CCDC91: variants seen among roughly 807,000 people sequenced by gnomAD.
CCDC91 encodes coiled-coil domain containing 91.
A neutral mutation model predicts 63.2 loss-of-function variants in CCDC91; 48 were observed. The observed-to-expected ratio is 0.76, with a 90% CI of 0.60 to 0.97. CCDC91 has a LOEUF of 0.97. CCDC91 is among the 50% of genes least tolerant of loss of function. The pLI, the probability that CCDC91 is intolerant of heterozygous loss-of-function variation, is 0.00. For missense variants in CCDC91, 500 were observed against 494.6 expected (o/e 1.01, Z -0.10); for synonymous variants, 167 against 165.8 (o/e 1.01, Z -0.06).
At chr12:28,485,909 A>G (rs1029598034) in intron 12 of CCDC91, among the ~76,000 whole-genome samples, 1 of 152,196 alleles carries the variant, frequency 6.6e-6, no homozygotes, top group Non-Finnish European at 1.5e-5. Flanking sequence ...GAACTTAAGT[A>G]TCAAATAAAT....
chr12:28,324,738 T>C (rs1940826081), intron 6 of CCDC91, among the ~76,000 whole-genome samples: 1 of 151,934 alleles, frequency 6.6e-6, no homozygotes, highest in Admixed American at 6.6e-5. Flanking sequence ...TTAGTTCATG[T>C]TCTGAAGTGT....
intron 8 of CCDC91, among the ~76,000 whole-genome samples, chr12:28,430,051 T>A (rs10843169): frequency 0.2 from 31,088 of 151,890 alleles, 4,169 homozygotes; most frequent in Non-Finnish European, 0.3. Flanking sequence ...CTTAGTACAG[T>A]AATTTAGGGA....
intron 6 of CCDC91, among the ~76,000 whole-genome samples, chr12:28,339,079 G>T (rs570991421): frequency 6.4e-4 from 97 of 152,228 alleles, no homozygotes; most frequent in African/African-American, 2.3e-3. Flanking sequence ...GACCTCAGGT[G>T]ATCCACCTGC....
At chr12:28,372,683 A>G (rs1009620530) in intron 7 of CCDC91, among the ~76,000 whole-genome samples, 2 of 151,926 alleles carry the variant, frequency 1.3e-5, no homozygotes, top group African/African-American at 2.4e-5. Context: ...TGATTTTGTA[A>G]CCTGAGACTT....
chr12:28,533,427 T>G (rs1257200047), intron 12 of CCDC91, among the ~76,000 whole-genome samples: 2 of 152,082 alleles, frequency 1.3e-5, no homozygotes, highest in Admixed American at 6.6e-5. Flanking sequence ...GGCTGTAAAA[T>G]ATGTACTATC....
At chr12:28,450,448 G>T (rs1415728937) in intron 10 of CCDC91, 30 bp downstream of exon 10, 2 of 1,466,790 alleles carry the variant, frequency 1.4e-6, no homozygotes, top group Non-Finnish European at 1.9e-6. Flanking sequence ...TGGGTTGCTT[G>T]TAAGTAAGTG....
chr12:28,317,592 GT>G (rs1230280166), intron 6 of CCDC91, among the ~76,000 whole-genome samples: 25 of 151,746 alleles, frequency 1.6e-4, no homozygotes, highest in Admixed American at 1.6e-3. Flanking sequence ...TTTTTTTATT[GT>G]TTATTTTCAC....
intron 8 of CCDC91, among the ~76,000 whole-genome samples, chr12:28,402,630 C>T (rs1946708661): frequency 6.8e-6 from 1 of 146,568 alleles, no homozygotes. Flanking sequence ...ATCCATATAC[C>T]TTTTATTTCC....
chr12:28,221,127 A>G (rs1943910382), intron 1 of CCDC91, among the ~76,000 whole-genome samples: 1 of 152,030 alleles, frequency 6.6e-6, no homozygotes, highest in Non-Finnish European at 1.5e-5. Context: ...TTTATTTTGA[A>G]TAGTTATACT....
intron 6 of CCDC91, among the ~76,000 whole-genome samples, chr12:28,317,287 A>G (rs181331652): frequency 6.6e-6 from 1 of 152,142 alleles, no homozygotes; most frequent in East Asian, 1.9e-4. Flanking sequence ...TAAAAGCTAT[A>G]CTATTGTTAA....
At chr12:28,429,339 C>T (rs536205649) in intron 8 of CCDC91, among the ~76,000 whole-genome samples, 2 of 152,022 alleles carry the variant, frequency 1.3e-5, no homozygotes, top group Non-Finnish European at 2.9e-5. Flanking sequence ...TTTTGATAAC[C>T]AGTAGTACTG....
At position 28,201,356 on chromosome 12, in the gene CCDC91, C is replaced by T. The variant is rs35536176; in HGVS notation, c.-15+10715C>T. ...GCTCCTCACCTCCCAGACGGGGTCG[C>T]GGCCAGGTAGAGGAGCTCCTCACAT... On this transcript the variant is annotated intron_variant, in intron 1 of 12. Coordinates refer to ENST00000536442, the MANE Select transcript of CCDC91 (RefSeq NM_018318.5). Among the ~76,000 whole-genome samples, 11 of 148,096 alleles carry T rather than the reference C, an allele frequency of 7.4e-5. No individual in the cohort carries two copies. The South Asian group carries it at 8.6e-4, about 12-fold the overall frequency.
intron 8 of CCDC91, among the ~76,000 whole-genome samples, chr12:28,441,078 AAAAAAAG>A (rs1300642520): frequency 1.4e-3 from 32 of 22,632 alleles, no homozygotes; most frequent in Admixed American, 8.2e-3. Flanking sequence ...AAAAAAAAAA[AAAAAAAG>A]AAAAGAAAAA....
intron 8 of CCDC91, among the ~76,000 whole-genome samples, chr12:28,392,659 T>C (rs867209615): frequency 7.2e-5 from 11 of 152,202 alleles, no homozygotes; most frequent in Admixed American, 3.3e-4. Flanking sequence ...TACCACATTC[T>C]TTTCTTTTGT....
At chr12:28,273,986 A>G (rs1420640015) in intron 3 of CCDC91, among the ~76,000 whole-genome samples, 2 of 152,172 alleles carry the variant, frequency 1.3e-5, no homozygotes, top group African/African-American at 4.8e-5. Context: ...CTAACATTTA[A>G]GTCTTTAATC....
chr12:28,404,185 G>A (rs552798631), intron 8 of CCDC91, among the ~76,000 whole-genome samples: 5 of 151,478 alleles, frequency 3.3e-5, no homozygotes, highest in Admixed American at 6.6e-5. Context: ...CACCTCTTTC[G>A]GTGTGTCTAT....
intron 12 of CCDC91, among the ~76,000 whole-genome samples, chr12:28,508,257 G>C (rs1220467730): frequency 6.6e-6 from 1 of 151,862 alleles, no homozygotes; most frequent in African/African-American, 2.4e-5. Flanking sequence ...AAAGAGAAAA[G>C]TTAGTGGGAA....
intron 3 of CCDC91, among the ~76,000 whole-genome samples, chr12:28,269,461 A>G (rs1372723192): frequency 6.6e-6 from 1 of 152,014 alleles, no homozygotes; most frequent in African/African-American, 2.4e-5. Context: ...CTTGGTCACT[A>G]TCTCAGTCAA....
chr12:28,399,240 T>G (rs1304856513), intron 8 of CCDC91, among the ~76,000 whole-genome samples: 1 of 152,126 alleles, frequency 6.6e-6, no homozygotes, highest in Non-Finnish European at 1.5e-5. Context: ...AAACATGTCC[T>G]TCTTCACATG....
Sources: allele counts gnomAD v4.1 joint callset (sites outside exome capture counted in the v4.1 genomes callset), GRCh38; gene constraint gnomAD v4.1.1; transcripts MANE v1.5; gene names NCBI Gene and HGNC (gene_info 2026-07-23, HGNC 2026-07-21).